Variants in BLOC1S5 observed in about 807,000 individuals in gnomAD.
BLOC1S5 encodes the protein biogenesis of lysosome-related organelles complex 1 subunit 5.
In BLOC1S5, 27 loss-of-function variants were observed where a neutral mutation model predicts 24.3. The ratio of observed to expected loss-of-function variants is 1.11; its 90% CI spans 0.82 to 1.53. BLOC1S5 has a LOEUF of 1.53. Ranked by LOEUF, BLOC1S5 falls within the 40% of genes most tolerant of loss-of-function variation. The probability of loss-of-function intolerance (pLI) is 0.00; values close to 1 mark genes in which losing one functional copy is unlikely to be tolerated. For synonymous variants in BLOC1S5, 84 were observed against 74.5 expected, an observed-to-expected ratio of 1.13 and a Z score of -0.66; for missense variants, 239 against 229.4, an observed-to-expected ratio of 1.04 and a Z score of -0.27.
At chr6:8,025,869 A>C (rs1324918244) in intron 4 of BLOC1S5, among the ~76,000 whole-genome samples, 1 of 152,228 alleles carries the variant, frequency 6.6e-6, no homozygotes, top group Non-Finnish European at 1.5e-5. Flanking sequence ...CAGGAACTTA[A>C]ATTCTTGTGC....
At chr6:8,017,910 T>C (rs1470319715) in intron 4 of BLOC1S5, 1 of 152,216 alleles carries the variant, frequency 6.6e-6, no homozygotes, top group Non-Finnish European at 1.5e-5. Flanking sequence ...AAAAATCCCT[T>C]TCACAAGACA....
At chr6:8,035,537 C>G (rs1209509699) in intron 3 of BLOC1S5, among the ~76,000 whole-genome samples, 4 of 151,890 alleles carry the variant, frequency 2.6e-5, no homozygotes, top group African/African-American at 9.7e-5. Context: ...TCCACGCAAC[C>G]AGAAAAAGAT....
chr6:8,019,268 A>ATT (rs1762841025), intron 4 of BLOC1S5, among the ~76,000 whole-genome samples: 1 of 103,832 alleles, frequency 9.6e-6, no homozygotes. Context: ...AGGCATTCTT[A>ATT]CTTTTTTTTT....
intron 4 of BLOC1S5, among the ~76,000 whole-genome samples, chr6:8,019,970 A>C (rs1270546879): frequency 6.6e-6 from 1 of 152,200 alleles, no homozygotes; most frequent in Non-Finnish European, 1.5e-5. Context: ...CAAAAACTTA[A>C]AACACACAGT....
chr6:8,054,264 A>C (rs776953107), intron 2 of BLOC1S5: 3 of 451,546 alleles, frequency 6.6e-6, no homozygotes, highest in Non-Finnish European at 1.3e-5. Context: ...TTTCACATAC[A>C]CTCACCATCT....
chr6:8,028,928 C>T (rs1763196134), intron 3 of BLOC1S5, among the ~76,000 whole-genome samples: 1 of 152,090 alleles, frequency 6.6e-6, no homozygotes, highest in Admixed American at 6.5e-5. Context: ...GAAGTCATTT[C>T]CCCTGTTATC....
chr6:8,015,637 T>A lies in BLOC1S5; in HGVS notation c.*12A>T. 1 of 1,607,020 alleles carries A rather than the reference T, an allele frequency of 6.2e-7. No homozygotes were observed. Among genetic ancestry groups the A allele is most frequent in the Non-Finnish European group, 8.5e-7 (1 of 1,176,460 alleles). ...TCTTCTCATTAGTTTGTGATTGTTG[T>A]GGTTCAAGTTCTTAAAAGGTTGAAA... On this transcript the variant is annotated 3_prime_UTR_variant, in exon 5 of 5. Transcript: ENST00000397457.
At chr6:8,028,494 T>G (rs6934592) in intron 3 of BLOC1S5, among the ~76,000 whole-genome samples, 5,851 of 152,074 alleles carry the variant, frequency 0.038, 353 homozygotes, top group African/African-American at 0.13. Flanking sequence ...TCTGAGAACA[T>G]AACTTAAAAT....
rs76741073 is a variant in BLOC1S5 at position 8,036,516 on chromosome 6, T to A, written c.325+4623A>T. 6.6e-4 allele frequency among the ~76,000 whole-genome samples: 100 copies of A among 152,206 alleles called. No individual in the cohort carries two copies. The Middle Eastern group carries it at 0.01, about 16-fold the overall frequency. On this transcript the variant is annotated intron_variant, in intron 3 of 4. Coordinates refer to ENST00000397457, the MANE Select transcript of BLOC1S5 (RefSeq NM_201280.3). ...AACAAACTAATAATGAATAACAAGGTTGAAGCCATGATAAAGTCTCCTATC... is the reference window on the plus strand; with the variant it reads ...AACAAACTAATAATGAATAACAAGGATGAAGCCATGATAAAGTCTCCTATC...
intron 3 of BLOC1S5, among the ~76,000 whole-genome samples, chr6:8,032,590 C>T (rs895182642): frequency 6.6e-6 from 1 of 152,130 alleles, no homozygotes; most frequent in Admixed American, 6.5e-5. Context: ...CCTCTCTCAC[C>T]ACTCCTATTC....
At chr6:8,019,743 G>A (rs961390333) in intron 4 of BLOC1S5, among the ~76,000 whole-genome samples, 1 of 152,104 alleles carries the variant, frequency 6.6e-6, no homozygotes, top group Non-Finnish European at 1.5e-5. Context: ...TCATGCAAAC[G>A]AAGAAGATGC....
Position 8,034,674 on chromosome 6 carries a change from G to A in BLOC1S5, c.325+6465C>T, listed in dbSNP as rs147296500. ...GGTGTGGATGTGGTGAAAGGGGAAC[G>A]CTTTTACACTGCTGGTGGGAATGTA... On this transcript the variant is annotated intron_variant, in intron 3 of 4. Coordinates refer to ENST00000397457, the MANE Select transcript of BLOC1S5 (RefSeq NM_201280.3). Among the ~76,000 whole-genome samples, 1,480 of 152,122 alleles carry A rather than the reference G, an allele frequency of 9.7e-3. 27 individuals are homozygous for A. Among genetic ancestry groups the A allele is most frequent in the African/African-American group, 0.034 (1,408 of 41,502 alleles).
At chr6:8,063,385 A>C (rs1367625094) in intron 1 of BLOC1S5, among the ~76,000 whole-genome samples, 1 of 152,186 alleles carries the variant, frequency 6.6e-6, no homozygotes, top group East Asian at 1.9e-4. Context: ...TCAGTTTATT[A>C]TTCTTCTTAG....
At chr6:8,019,118 T>C (rs955792319) in intron 4 of BLOC1S5, among the ~76,000 whole-genome samples, 1 of 152,250 alleles carries the variant, frequency 6.6e-6, no homozygotes, top group Non-Finnish European at 1.5e-5. Flanking sequence ...CTTATTGGCC[T>C]TGTAGGCCGA....
intron 4 of BLOC1S5, among the ~76,000 whole-genome samples, chr6:8,025,168 T>C (rs1763063795): frequency 6.6e-6 from 1 of 152,246 alleles, no homozygotes; most frequent in Non-Finnish European, 1.5e-5. Flanking sequence ...CTTTATCCTC[T>C]ATTATTATAG....
At chr6:8,057,552 C>A (rs1764357977) in intron 2 of BLOC1S5, among the ~76,000 whole-genome samples, 1 of 152,142 alleles carries the variant, frequency 6.6e-6, no homozygotes, top group Admixed American at 6.5e-5. Flanking sequence ...TTCTTTCAGT[C>A]ACCAGATTTA....
At chr6:8,046,112 T>C (rs983215351) in intron 2 of BLOC1S5, among the ~76,000 whole-genome samples, 4 of 152,180 alleles carry the variant, frequency 2.6e-5, no homozygotes, top group African/African-American at 9.6e-5. Context: ...GGGGAGGTAA[T>C]TGAATCATGG....
Position 8,014,484 on chromosome 6 carries a change from G to C in BLOC1S5, c.*1165C>G, listed in dbSNP as rs890119848. The C allele has an allele frequency of 6.6e-6, 1 of 152,186 alleles. No individual in the cohort carries two copies. 9.4% of individuals were successfully genotyped at this position (152,186 alleles called of 1,614,324 possible). ...AGACGGGGTTTCACCATGTTGGCCA[G>C]GCTAGGCTTGAACTCCTGACTTCAA... On this transcript the variant is annotated 3_prime_UTR_variant, in exon 5 of 5. Coordinates refer to ENST00000397457, the MANE Select transcript of BLOC1S5 (RefSeq NM_201280.3).
chr6:8,016,325 CAAAA>C (rs546943980), intron 4 of BLOC1S5, among the ~76,000 whole-genome samples: 2 of 140,570 alleles, frequency 1.4e-5, no homozygotes, highest in Non-Finnish European at 3.1e-5. Context: ...GACTCCGTCT[CAAAA>C]AAAAAAAAAT....
Sources: gnomAD v4.1 joint callset for allele counts (sites outside exome capture counted in the v4.1 genomes callset) on GRCh38, gnomAD v4.1.1 for gene constraint, MANE v1.5 for transcripts, NCBI Gene and HGNC (gene_info 2026-07-23, HGNC 2026-07-21) for gene names.